Variants in GALNTL6 observed in about 807,000 individuals in gnomAD.
GALNTL6 encodes polypeptide N-acetylgalactosaminyltransferase like 6.
In GALNTL6, 46 loss-of-function variants were observed where a neutral mutation model predicts 73.7. The observed-to-expected ratio is 0.62, with a 90% CI of 0.49 to 0.80. The LOEUF is 0.80. Among genes scored for constraint, GALNTL6 ranks in the 30% least tolerant of loss-of-function variants. The probability of loss-of-function intolerance (pLI) is 0.00; values close to 1 mark genes in which losing one functional copy is unlikely to be tolerated. For synonymous variants in GALNTL6, 259 were observed against 263.7 expected (o/e 0.98, Z 0.17); for missense variants, 604 against 755.0 (o/e 0.80, Z 2.34).
chr4:172,104,533 G>A (rs1276985696), intron 2 of GALNTL6, among the ~76,000 whole-genome samples: 1 of 152,076 alleles, frequency 6.6e-6, no homozygotes, highest in Non-Finnish European at 1.5e-5. Context: ...GCAAGAAACA[G>A]CTGCTTTTTC....
At chr4:172,429,605 G>A (rs1022810688) in intron 5 of GALNTL6, among the ~76,000 whole-genome samples, 1 of 152,112 alleles carries the variant, frequency 6.6e-6, no homozygotes, top group African/African-American at 2.4e-5. Context: ...TATTACATCA[G>A]GCAATCTTTC....
chr4:172,355,061 G>A (rs1317440412), intron 5 of GALNTL6, among the ~76,000 whole-genome samples: 1 of 151,868 alleles, frequency 6.6e-6, no homozygotes, highest in African/African-American at 2.4e-5. Context: ...TTAAGAAAAA[G>A]GATTTTGAGA....
At chr4:172,518,731 A>G (rs912651400) in intron 5 of GALNTL6, among the ~76,000 whole-genome samples, 12 of 152,108 alleles carry the variant, frequency 7.9e-5, no homozygotes, top group African/African-American at 2.9e-4. Context: ...AAGTGACCTA[A>G]ATATGCATAC....
chr4:172,560,785 G>T (rs939518786), intron 5 of GALNTL6, among the ~76,000 whole-genome samples: 6 of 152,086 alleles, frequency 3.9e-5, no homozygotes, highest in Non-Finnish European at 5.9e-5. Flanking sequence ...AATCTTTATG[G>T]AAACAAAGCT....
At chr4:171,893,526 C>T (rs531948105) in intron 2 of GALNTL6, among the ~76,000 whole-genome samples, 14 of 152,132 alleles carry the variant, frequency 9.2e-5, no homozygotes, top group South Asian at 4.1e-4. Flanking sequence ...TTTTTTGTCA[C>T]GTATTTTACA....
intron 5 of GALNTL6, among the ~76,000 whole-genome samples, chr4:172,555,865 T>G (rs1424497059): frequency 6.6e-6 from 1 of 152,100 alleles, no homozygotes; most frequent in Non-Finnish European, 1.5e-5. Context: ...TGGAAAATGT[T>G]AATGATCTTG....
chr4:172,457,636 A>G (rs762177603), intron 5 of GALNTL6, among the ~76,000 whole-genome samples: 1 of 152,208 alleles, frequency 6.6e-6, no homozygotes, highest in Non-Finnish European at 1.5e-5. Context: ...TTGTAAAGGG[A>G]TCAATGCAAC....
chr4:172,075,605 G>A (rs1324611913), intron 2 of GALNTL6, among the ~76,000 whole-genome samples: 2 of 152,072 alleles, frequency 1.3e-5, no homozygotes, highest in African/African-American at 2.4e-5. Context: ...AAAGTGCTGG[G>A]ATTACAGGCT....
At chr4:172,773,241 C>G in intron 5 of GALNTL6, among the ~76,000 whole-genome samples, 1 of 152,036 alleles carries the variant, frequency 6.6e-6, no homozygotes, top group East Asian at 1.9e-4. Context: ...ACTCTGTCAC[C>G]CAGCCTGCAG....
chr4:172,828,396 G>A (rs1341122613), intron 7 of GALNTL6, among the ~76,000 whole-genome samples: 4 of 151,930 alleles, frequency 2.6e-5, no homozygotes, highest in Non-Finnish European at 5.9e-5. Context: ...AAACCTGCCT[G>A]TCATCCTATG....
intron 2 of GALNTL6, among the ~76,000 whole-genome samples, chr4:171,956,177 G>A (rs1413449625): frequency 6.6e-6 from 1 of 151,932 alleles, no homozygotes; most frequent in African/African-American, 2.4e-5. Flanking sequence ...AATTTATTCT[G>A]TATTTTTTGT....
intron 5 of GALNTL6, among the ~76,000 whole-genome samples, chr4:172,372,453 T>C (rs1281081143): frequency 1.3e-5 from 2 of 152,182 alleles, no homozygotes; most frequent in African/African-American, 4.8e-5. Flanking sequence ...CCTTTCCTTG[T>C]ATTATTTTGA....
At chr4:172,442,849 A>G (rs1731880945) in intron 5 of GALNTL6, among the ~76,000 whole-genome samples, 1 of 152,024 alleles carries the variant, frequency 6.6e-6, no homozygotes, top group Non-Finnish European at 1.5e-5. Flanking sequence ...TAACATACGT[A>G]TTTTTAATGA....
chr4:172,258,328 G>C (rs1579307099), intron 3 of GALNTL6, among the ~76,000 whole-genome samples: 2 of 151,124 alleles, frequency 1.3e-5, no homozygotes, highest in Admixed American at 1.3e-4. Flanking sequence ...TAGGTTATTT[G>C]TTGTCTTTGC....
chr4:172,387,744 C>T (rs1331292108), intron 5 of GALNTL6, among the ~76,000 whole-genome samples: 1 of 151,952 alleles, frequency 6.6e-6, no homozygotes, highest in African/African-American at 2.4e-5. Flanking sequence ...GATCTTGTCC[C>T]CTGTCTCTTC....
chr4:172,868,806 T>C (rs897398019), intron 7 of GALNTL6, among the ~76,000 whole-genome samples: 1 of 152,166 alleles, frequency 6.6e-6, no homozygotes, highest in Non-Finnish European at 1.5e-5. Context: ...TGGCCATTCA[T>C]GGAGTATTGC....
At position 172,409,963 on chromosome 4, in the gene GALNTL6, G is replaced by A. The variant is rs563303898; in HGVS notation, c.553+61274G>A. ...ATCAACACATCTATTATGTGAAACA[G>A]GTAGAAACCAAGGTTTATAAATGTG... On this transcript the variant is annotated intron_variant, in intron 5 of 12. Coordinates refer to ENST00000506823, the MANE Select transcript of GALNTL6 (RefSeq NM_001034845.3). Among the ~76,000 whole-genome samples the A allele has an allele frequency of 2.0e-5, 3 of 151,996 alleles. No homozygotes were observed. In the East Asian group the frequency reaches 5.8e-4, roughly 29 times the overall value.
intron 2 of GALNTL6, among the ~76,000 whole-genome samples, chr4:171,909,020 G>A (rs1287924567): frequency 3.4e-5 from 5 of 148,912 alleles, no homozygotes; most frequent in East Asian, 2.0e-4. Flanking sequence ...AGGAGGGATA[G>A]CATTGGGAGA....
intron 2 of GALNTL6, among the ~76,000 whole-genome samples, chr4:172,108,048 T>C (rs1381954598): frequency 6.6e-6 from 1 of 152,214 alleles, no homozygotes. Flanking sequence ...AAAATATTCC[T>C]ACTTATTCAT....
Sources: gnomAD v4.1 joint callset for allele counts (sites outside exome capture counted in the v4.1 genomes callset) on GRCh38, gnomAD v4.1.1 for gene constraint, MANE v1.5 for transcripts, NCBI Gene and HGNC (gene_info 2026-07-23, HGNC 2026-07-21) for gene names.